The following IGBP1 variants were observed in gnomAD, a reference collection of about 807,000 sequenced individuals.
IGBP1 encodes the protein immunoglobulin binding protein 1.
IGBP1 carries 2 observed loss-of-function variants against 25.9 expected under a neutral mutation model. That is an observed-to-expected ratio of 0.08 (90% CI 0.03 to 0.24). The LOEUF (loss-of-function observed/expected upper bound fraction) is 0.24. Ranked by LOEUF, IGBP1 falls within the 10% of genes least tolerant of loss-of-function variation. The probability of loss-of-function intolerance (pLI) is 1.00; values close to 1 mark genes in which losing one functional copy is unlikely to be tolerated. For synonymous variants in IGBP1, 96 were observed against 93.4 expected (o/e 1.03, Z -0.16); for missense variants, 187 against 260.4 (o/e 0.72, Z 1.94).
chrX:70,149,787 G>A (rs1287976759), intron 5 of IGBP1: 1 of 146,612 alleles, frequency 6.8e-6, no homozygotes, highest in Non-Finnish European at 1.3e-5. Context: ...CTTCAGCTAC[G>A]ATTCTCAAAA....
chrX:70,139,179 G>A (rs780559541), intron 3 of IGBP1, among the ~76,000 whole-genome samples: 120 of 110,243 alleles, frequency 1.1e-3, no homozygotes, highest in Non-Finnish European at 1.9e-3. Flanking sequence ...GCATGGTGGC[G>A]GGTGCCTGTA....
At chrX:70,136,102 GTCAGAGAC>G (rs1176847078) in intron 3 of IGBP1, among the ~76,000 whole-genome samples, 1 of 111,653 alleles carries the variant, frequency 9.0e-6, no homozygotes, top group Non-Finnish European at 1.9e-5. Flanking sequence ...GGGTCATAGA[GTCAGAGAC>G]CTGGGTTTGA....
Position 70,146,868 on chromosome X carries a change from T to A in IGBP1, c.678+40T>A, listed in dbSNP as rs766105461. On this transcript the variant is annotated intron_variant, in intron 4 of 6. Transcript: ENST00000356413. ...AGAAATCTACTGCCAGAGATTTGAG[T>A]ATTCTACAGGAGATCAAATTAAGAT... 84 of 957,343 alleles carry A rather than the reference T, an allele frequency of 8.8e-5. No homozygotes were observed. In the South Asian group the frequency reaches 1.6e-3, roughly 18 times the overall value. 78.9% of individuals were successfully genotyped at this position (957,343 alleles called of 1,213,427 possible).
rs771979401 is a variant in IGBP1, at chrX:70,139,576, C to A, written c.482+4760C>A. On this transcript the variant is annotated intron_variant, in intron 3 of 6. Coordinates refer to ENST00000356413, the MANE Select transcript of IGBP1 (RefSeq NM_001551.3). ...GACATGTCATACCTTGAACCCTTGG[C>A]TTTTTAACCCCCAAATGTGCCTCCT... Among the ~76,000 whole-genome samples, 185 of 111,183 alleles carry A rather than the reference C, an allele frequency of 1.7e-3. 1 individual carries two copies. Among genetic ancestry groups the A allele is most frequent in the African/African-American group, 5.9e-3 (181 of 30,623 alleles).
intron 6 of IGBP1, among the ~76,000 whole-genome samples, chrX:70,150,944 A>G (rs1408913189): frequency 1.8e-5 from 2 of 110,614 alleles, no homozygotes; most frequent in Admixed American, 9.5e-5. Flanking sequence ...CTGGGTGAAC[A>G]GTCCAACTCC....
In IGBP1 at chrX:70,165,629, G is replaced by A. The variant is rs190460500; in HGVS notation, c.872-204G>A. Among the ~76,000 whole-genome samples the A allele has an allele frequency of 2.4e-3, 268 of 110,493 alleles. 2 individuals are homozygous for A. The highest frequency in any genetic ancestry group is 8.2e-3 in the African/African-American group (250 of 30,396). The stretch of plus-strand genomic sequence containing the variant: ...TGCCTTCTTGTGGAAACCACTTAGA[G>A]CATCCTTTCGTACTATTTTTTAACA... On this transcript the variant is annotated intron_variant, in intron 6 of 6. Coordinates refer to ENST00000356413, the MANE Select transcript of IGBP1 (RefSeq NM_001551.3).
intron 6 of IGBP1, among the ~76,000 whole-genome samples, chrX:70,158,353 G>C (rs2085252787): frequency 8.9e-6 from 1 of 111,804 alleles, no homozygotes; most frequent in Non-Finnish European, 1.9e-5. Context: ...AAAAGGTCCA[G>C]ATGAAATTAG....
rs762954223 is a variant in IGBP1, at chrX:70,154,714, C to CAAAAAAAAAAAAAAAAAAAAAAA, written c.871+4414_871+4415insAAAAAAAAAAAAAAAAAAAAAAA. The stretch of plus-strand genomic sequence containing the variant: ...AGCAACATGGTAAGACCCCTCTCCA[C>CAAAAAAAAAAAAAAAAAAAAAAA]AAAAAAAAAAAAAAAAAAAAAAGTT... On this transcript the variant is annotated intron_variant, in intron 6 of 6. Coordinates refer to ENST00000356413, the MANE Select transcript of IGBP1 (RefSeq NM_001551.3). 1.0e-3 allele frequency among the ~76,000 whole-genome samples: 27 copies of CAAAAAAAAAAAAAAAAAAAAAAA among 27,100 alleles called. 1 individual carries two copies. The highest frequency in any genetic ancestry group is 4.5e-3 in the African/African-American group (24 of 5,379). The allele number at this position is 27,100 out of a possible 115,157, so 23.5% of individuals were successfully genotyped here. A position where few individuals can be genotyped will look rare whatever the true frequency, so the allele number is the denominator to read the frequency against.
intron 6 of IGBP1, among the ~76,000 whole-genome samples, chrX:70,157,003 G>A (rs186713578): frequency 1.8e-5 from 2 of 111,980 alleles, no homozygotes; most frequent in East Asian, 2.8e-4. Context: ...ATAACAATGT[G>A]TAAGGTACTG....
rs2085181604 is a variant in IGBP1 at position 70,148,565 on chromosome X, C to T, written c.679-196C>T. 11 of 414,845 alleles carry T rather than the reference C, an allele frequency of 2.7e-5. No homozygotes were observed. The South Asian group carries it at 3.3e-4, about 12-fold the overall frequency. 34.2% of individuals were successfully genotyped at this position (414,845 alleles called of 1,213,427 possible). A position where few individuals can be genotyped will look rare whatever the true frequency, so the allele number is the denominator to read the frequency against. On this transcript the variant is annotated intron_variant, in intron 4 of 6. Coordinates refer to ENST00000356413, the MANE Select transcript of IGBP1 (RefSeq NM_001551.3). ...GAACTTTCTCTTTCTTTCTTTTTTG[C>T]AAGGTACTCAGGCCCCCTCAGGAGA... is the stretch of plus-strand genomic sequence containing the variant.
chrX:70,155,800 AG>A (rs2085236765), intron 6 of IGBP1, among the ~76,000 whole-genome samples: 1 of 112,283 alleles, frequency 8.9e-6, no homozygotes, highest in Admixed American at 9.5e-5. Flanking sequence ...CAGATAAAGT[AG>A]ATTTCAAGAC....
chrX:70,149,092 A>T (rs1488015418), intron 5 of IGBP1: 10 of 329,761 alleles, frequency 3.0e-5, no homozygotes, highest in Non-Finnish European at 5.5e-5. Flanking sequence ...GCCGGACATG[A>T]TGGCACATGC....
At chrX:70,159,494 G>C (rs183609981) in intron 6 of IGBP1, among the ~76,000 whole-genome samples, 123 of 111,517 alleles carry the variant, frequency 1.1e-3, no homozygotes, top group Non-Finnish European at 1.5e-3. Context: ...GGGTGCTCAG[G>C]GTGGCTGTGG....
chrX:70,134,372 G>C (rs2147563427), intron 2 of IGBP1, 151 bp from the exon 3 acceptor site: 2 of 627,333 alleles, frequency 3.2e-6, no homozygotes, highest in East Asian at 7.1e-5. Context: ...TGAGCCCTCA[G>C]CCACTTTCAT....
At chrX:70,134,993 T>G (rs1047722236) in intron 3 of IGBP1, among the ~76,000 whole-genome samples, 177 bp downstream of exon 3, 2 of 112,323 alleles carry the variant, frequency 1.8e-5, no homozygotes, top group Non-Finnish European at 3.8e-5. Flanking sequence ...CTGCTTTTGT[T>G]GAGATGATTA....
At chrX:70,162,479 C>T (rs140819874) in intron 6 of IGBP1, among the ~76,000 whole-genome samples, 1 of 111,512 alleles carries the variant, frequency 9.0e-6, no homozygotes, top group Non-Finnish European at 1.9e-5. Context: ...AACCTAAGGA[C>T]ATTTGAGTAA....
In IGBP1 at chrX:70,134,776, C is replaced by G. The variant is rs2085085342; in HGVS notation, c.442C>G (p.Leu148Val). 8.3e-7 allele frequency: 1 copy of G among 1,210,401 alleles called. No individual in the cohort carries two copies. The highest frequency in any genetic ancestry group is 1.1e-6 in the Non-Finnish European group (1 of 894,975). ...TANSSMAYPS[L>V]VAMASQRQAK... Reference sequence around the variant, plus strand: ...CAATTCCTCCATGGCTTATCCTAGTCTCGTTGCTATGGCATCTCAAAGACA... The same window carrying G: ...CAATTCCTCCATGGCTTATCCTAGTGTCGTTGCTATGGCATCTCAAAGACA... The change falls in exon 3 of 7, where the codon CTC becomes GTC. Residue 148 changes from leucine to valine, a missense_variant. Leu to Val is a conservative substitution (Grantham distance 32, BLOSUM62 1). Transcript: ENST00000356413.
chrX:70,164,089 A>G (rs2085284773), intron 6 of IGBP1: 1 of 110,786 alleles, frequency 9.0e-6, no homozygotes, highest in East Asian at 2.8e-4. Flanking sequence ...AAATACAAAA[A>G]TTAGCTGAGT....
At chrX:70,165,749 G>A (rs754335418) in intron 6 of IGBP1, 84 bp from the exon 7 acceptor site, 37 of 877,211 alleles carry the variant, frequency 4.2e-5, no homozygotes, top group Non-Finnish European at 5.7e-5. Context: ...ATGTGGTTGT[G>A]CTCAGAGTGG....
Sources: allele counts gnomAD v4.1 joint callset (sites outside exome capture counted in the v4.1 genomes callset), GRCh38; gene constraint gnomAD v4.1.1; transcripts MANE v1.5; gene names NCBI Gene and HGNC (gene_info 2026-07-23, HGNC 2026-07-21).